Variants in CCDC183 observed in about 807,000 individuals in gnomAD.
CCDC183 encodes the protein coiled-coil domain-containing protein 183.
A neutral mutation model predicts 65.2 loss-of-function variants in CCDC183; 63 were observed. That is an observed-to-expected ratio of 0.97 (90% CI 0.79 to 1.19). The LOEUF is 1.19. Ranked by LOEUF, CCDC183 falls within the 50% of genes most tolerant of loss-of-function variation. CCDC183 has a pLI of 0.00. For synonymous variants in CCDC183, 323 were observed against 276.5 expected (o/e 1.17, Z -1.67); for missense variants, 769 against 689.3 (o/e 1.12, Z -1.30).
Position 136,805,924 on chromosome 9 carries a change from G to A in CCDC183, c.949-154G>A, listed in dbSNP as rs1847836971. 7 of 651,620 alleles carry A rather than the reference G, an allele frequency of 1.1e-5. No homozygotes were observed. The East Asian group carries it at 1.9e-4, about 18-fold the overall frequency. The allele number at this position is 651,620 out of a possible 1,614,324, so 40.4% of individuals were successfully genotyped here. A position where few individuals can be genotyped will look rare whatever the true frequency, so the allele number is the denominator to read the frequency against. On this transcript the variant is annotated intron_variant, in intron 9 of 13. Coordinates refer to ENST00000338005, the MANE Select transcript of CCDC183 (RefSeq NM_001039374.5). ...TGGGAGGATCGCTTGAGTCTGGGAG[G>A]TTGAGGCTGCAGTGAGCTGTGATCA...
intron 1 of CCDC183, among the ~76,000 whole-genome samples, chr9:136,797,350 G>A (rs952912526): frequency 6.6e-6 from 1 of 151,908 alleles, no homozygotes; most frequent in African/African-American, 2.4e-5. Context: ...AAATACTGAG[G>A]GAACTCAGAG....
Position 136,800,170 on chromosome 9 carries a change from G to T in CCDC183, c.438+1G>T. The T allele has an allele frequency of 6.5e-7, 1 of 1,526,856 alleles. No homozygotes were observed. The highest frequency in any genetic ancestry group is 8.8e-7 in the Non-Finnish European group (1 of 1,141,004). The allele number at this position is 1,526,856 out of a possible 1,614,324, so 94.6% of individuals were successfully genotyped here. On this transcript the variant is annotated splice_donor_variant, in intron 4 of 13. Coordinates refer to ENST00000338005, the MANE Select transcript of CCDC183 (RefSeq NM_001039374.5). LOFTEE classifies it high-confidence loss of function. Reference sequence around the variant, plus strand: ...CAAGGAGGAGCTGCGGCTGCTGCAGGTGGAGAGGCGGGGCTGGGAGGGCGG... The same window carrying T: ...CAAGGAGGAGCTGCGGCTGCTGCAGTTGGAGAGGCGGGGCTGGGAGGGCGG...
At chr9:136,799,956 C>A in intron 3 of CCDC183, 46 bp from the exon 4 acceptor site, 3 of 1,551,178 alleles carry the variant, frequency 1.9e-6, no homozygotes, top group South Asian at 1.2e-5. Flanking sequence ...GGCTCCATGG[C>A]GGCCCCCTAC....
At chr9:136,803,250 GATGGGGTCAAGGT>G (rs1847776570) in intron 6 of CCDC183, among the ~76,000 whole-genome samples, 1 of 92,306 alleles carries the variant, frequency 1.1e-5, no homozygotes, top group Non-Finnish European at 2.3e-5. Flanking sequence ...TGGATCTTCG[GATGGGGTCAAGGT>G]GAGCTCAGGG....
chr9:136,797,438 CTTTTT>C (rs373062914), intron 1 of CCDC183, among the ~76,000 whole-genome samples: 2 of 142,198 alleles, frequency 1.4e-5, no homozygotes, highest in East Asian at 4.1e-4. Flanking sequence ...TACTTTGTGT[CTTTTT>C]TTTTTTTTTT....
intron 5 of CCDC183, among the ~76,000 whole-genome samples, chr9:136,802,338 AG>A (rs1847748691): frequency 6.6e-6 from 1 of 152,126 alleles, no homozygotes; most frequent in African/African-American, 2.4e-5. Flanking sequence ...CCATGTCTTG[AG>A]CCCCTCTGTT....
At chr9:136,802,127 C>G (rs1339898807) in intron 5 of CCDC183, among the ~76,000 whole-genome samples, 2 of 152,222 alleles carry the variant, frequency 1.3e-5, no homozygotes, top group East Asian at 1.9e-4. Flanking sequence ...TATAGCAAAG[C>G]TATCCTGAGC....
chr9:136,796,404 A>T lies in CCDC183; in HGVS notation c.7A>T (p.Arg3Trp). 2 of 1,584,084 alleles carry T rather than the reference A, an allele frequency of 1.3e-6. No individual in the cohort carries two copies. The highest frequency in any genetic ancestry group is 1.7e-6 in the Non-Finnish European group (2 of 1,165,102). The change falls in exon 1 of 14, where the codon AGG (arginine) becomes TGG (tryptophan). Residue 3 changes from arginine to tryptophan, a missense_variant. Coordinates refer to ENST00000338005, the MANE Select transcript of CCDC183 (RefSeq NM_001039374.5). MR[R>W]HSETDVEEQT... ...GGGGGGCCTGAGAGCAGCCATGAGG[A>T]GGCACAGTGAGACAGATGTGGAAGA...
Position 136,807,707 on chromosome 9 carries a change from C to T in CCDC183, c.*17C>T. On this transcript the variant is annotated 3_prime_UTR_variant, in exon 14 of 14. Coordinates refer to ENST00000338005, the MANE Select transcript of CCDC183 (RefSeq NM_001039374.5). ...AAGAAGTAGCCCCGCCGCCCCGCTC[C>T]CTGCTTTGCTACACAAATAAACATT... 6.3e-7 allele frequency: 1 copy of T among 1,586,632 alleles called. No homozygotes were observed. The highest frequency in any genetic ancestry group is 8.6e-7 in the Non-Finnish European group (1 of 1,166,558).
In CCDC183 at chr9:136,796,480, C is replaced by T. The variant is rs368792554; in HGVS notation, c.70+13C>T. The T allele has an allele frequency of 2.1e-4, 331 of 1,552,676 alleles. No individual in the cohort carries two copies. Among genetic ancestry groups the T allele is most frequent in the Admixed American group, 3.3e-4 (17 of 51,304 alleles). ...ACTCAGCTCCAGGGTGAGCCTGCAC[C>T]GCCGTGACCAGTCTCCCTTTCCCGT... On this transcript the variant is annotated intron_variant, in intron 1 of 13. Transcript: ENST00000338005.
chr9:136,806,085 C>T lies in CCDC183; in HGVS notation c.956C>T (p.Thr319Ile). 6.5e-7 allele frequency: 1 copy of T among 1,550,264 alleles called. No individual in the cohort carries two copies. Among genetic ancestry groups the T allele is most frequent in the South Asian group, 1.2e-5 (1 of 84,026 alleles). Residue 319 changes from threonine to isoleucine, a missense_variant, in exon 10 of 14, where the codon ACT (threonine) becomes ATT (isoleucine). Physicochemically the swap from Thr to Ile is moderately conservative, Grantham distance 89. Transcript: ENST00000338005. ...CTCCCCCGGACTGGCCAGGACATCA[C>T]TAGCCGCTTCCTGGCCCAGAGGAAC... ...AVRCSHVWDI[T>I]SRFLAQRNTE...
intron 9 of CCDC183, 45 bp from the exon 10 acceptor site, chr9:136,806,033 A>T: frequency 6.6e-7 from 1 of 1,515,392 alleles, no homozygotes. Flanking sequence ...CCCTCTGCCC[A>T]CCATCCTGGC....
In CCDC183 at chr9:136,806,749, G is replaced by A. The variant is rs750855385; in HGVS notation, c.1279-8G>A. The A allele has an allele frequency of 9.9e-6, 16 of 1,613,380 alleles. No individual in the cohort carries two copies. In the South Asian group the frequency reaches 1.6e-4, roughly 17 times the overall value. ...GAGGGGAGATGAGACCCTCCTCCCG[G>A]CCTACAGAGAGAAGTGGTGCTCTCC... On this transcript the variant is annotated splice_polypyrimidine_tract_variant and splice_region_variant and intron_variant, in intron 11 of 13. Transcript: ENST00000338005.
At chr9:136,805,992 G>A in intron 9 of CCDC183, 86 bp from the exon 10 acceptor site, 1 of 1,098,796 alleles carries the variant, frequency 9.1e-7, no homozygotes, top group Non-Finnish European at 1.3e-6. Context: ...GCGTCTAGGA[G>A]GGGCCCAGAA....
At chr9:136,807,545 T>A in intron 13 of CCDC183, 27 bp from the exon 14 acceptor site, 5 of 1,571,216 alleles carry the variant, frequency 3.2e-6, no homozygotes, top group Non-Finnish European at 4.3e-6. Flanking sequence ...GCTAGCCCCG[T>A]GTGCGAGCCG....
intron 12 of CCDC183, 28 bp from the exon 13 acceptor site, chr9:136,806,942 C>T: frequency 1.9e-6 from 3 of 1,613,474 alleles, no homozygotes; most frequent in Non-Finnish European, 2.5e-6. Flanking sequence ...AGAGTGTCTG[C>T]ACGGCTGAAG....
Position 136,806,839 on chromosome 9 carries a change from G to A in CCDC183, c.1361G>A (p.Arg454Lys). Reference sequence around the variant, plus strand: ...GGGAAGCTCACGTACCTGGCTGACAGAGTGCAGATGGTGTCCAGGACCGAG... The same window carrying A: ...GGGAAGCTCACGTACCTGGCTGACAAAGTGCAGATGGTGTCCAGGACCGAG... Reference protein sequence around the residue: ...CEGKLTYLADRVQMVSRTEEG... With the variant: ...CEGKLTYLADKVQMVSRTEEG... Residue 454 changes from arginine (R) to lysine (K), a missense_variant, in exon 12 of 14, where the codon AGA (arginine) becomes AAA (lysine). Physicochemically the swap from Arg to Lys is conservative, Grantham distance 26. Coordinates refer to ENST00000338005, the MANE Select transcript of CCDC183 (RefSeq NM_001039374.5). 1 of 1,613,602 alleles carries A rather than the reference G, an allele frequency of 6.2e-7. No individual in the cohort carries two copies. The highest frequency in any genetic ancestry group is 1.7e-5 in the Admixed American group (1 of 60,022).
At chr9:136,805,150 A>T in intron 8 of CCDC183, 1 of 597,666 alleles carries the variant, frequency 1.7e-6, no homozygotes, top group Non-Finnish European at 3.0e-6. Flanking sequence ...CTCCGGGTCC[A>T]CCTCTGCTCT....
At position 136,805,372 on chromosome 9, in the gene CCDC183, C is replaced by T. The variant is rs114312295; in HGVS notation, c.863C>T (p.Thr288Ile). 4,116 of 1,613,480 alleles carry T rather than the reference C, an allele frequency of 2.6e-3. 89 individuals are homozygous for T. The African/African-American group carries it at 0.047, about 19-fold the overall frequency. ...TETLKLRRKE[T>I]STAEMEYQSG... ...GCTCTGCCAGTGAGGAGAAAAGAGA[C>T]CTCCACAGCAGAAATGGAATACCAG... Residue 288 changes from threonine to isoleucine, a missense_variant, in exon 9 of 14, where the codon ACC becomes ATC. Thr to Ile is a moderately conservative substitution (Grantham distance 89). Coordinates refer to ENST00000338005, the MANE Select transcript of CCDC183 (RefSeq NM_001039374.5).
Sources: gnomAD v4.1 joint callset for allele counts (sites outside exome capture counted in the v4.1 genomes callset) on GRCh38, gnomAD v4.1.1 for gene constraint, MANE v1.5 for transcripts, NCBI Gene and HGNC (gene_info 2026-07-23, HGNC 2026-07-21) for gene names.